The following PPARG variants were observed in gnomAD, a reference collection of about 807,000 sequenced individuals.
PPARG encodes peroxisome proliferator activated receptor gamma.
A neutral mutation model predicts 39.2 loss-of-function variants in PPARG; 17 were observed. The observed-to-expected ratio is 0.43, with a 90% CI of 0.30 to 0.65. PPARG has a LOEUF of 0.65. Among genes scored for constraint, PPARG ranks in the 30% least tolerant of loss-of-function variants. The pLI, the probability that PPARG is intolerant of heterozygous loss-of-function variation, is 0.13. For synonymous variants in PPARG, 223 were observed against 215.7 expected (o/e 1.03, Z -0.30); for missense variants, 406 against 585.9 (o/e 0.69, Z 3.17).
At chr3:12,319,110 T>G (rs1251001321) in intron 2 of PPARG, among the ~76,000 whole-genome samples, 3 of 152,230 alleles carry the variant, frequency 2.0e-5, no homozygotes, top group Admixed American at 6.5e-5. Context: ...TTTCTTTTGT[T>G]AACAAGCCAC....
At chr3:12,305,398 G>A (rs1437112143) in intron 1 of PPARG, among the ~76,000 whole-genome samples, 1 of 152,116 alleles carries the variant, frequency 6.6e-6, no homozygotes, top group Non-Finnish European at 1.5e-5. Context: ...TTAAAGTATT[G>A]ACTCACTAAT....
At chr3:12,356,377 C>T (rs76860457) in intron 2 of PPARG, among the ~76,000 whole-genome samples, 2,844 of 152,274 alleles carry the variant, frequency 0.019, 75 homozygotes, top group African/African-American at 0.062. Context: ...TTTGAGTACA[C>T]AGTGTTTTAA....
intron 1 of PPARG, 107 bp from the exon 2 acceptor site, chr3:12,312,273 G>C (rs889446832): frequency 1.3e-5 from 2 of 152,196 alleles, no homozygotes; most frequent in African/African-American, 4.8e-5. Flanking sequence ...AATAGAGAAG[G>C]TAAATTTATT....
chr3:12,360,231 C>T (rs1039517921), intron 2 of PPARG, among the ~76,000 whole-genome samples: 2 of 152,048 alleles, frequency 1.3e-5, no homozygotes, highest in Non-Finnish European at 2.9e-5. Context: ...AGACTGGTTT[C>T]GAACTCTGGC....
At chr3:12,330,301 T>TAAAAAAAAA (rs1302998459) in intron 2 of PPARG, among the ~76,000 whole-genome samples, 3 of 114,518 alleles carry the variant, frequency 2.6e-5, no homozygotes, top group African/African-American at 9.7e-5. Context: ...ACACCTTTTT[T>TAAAAAAAAA]TAAAAAAAAA....
chr3:12,317,542 G>A (rs1487982267), intron 2 of PPARG, among the ~76,000 whole-genome samples: 1 of 152,044 alleles, frequency 6.6e-6, no homozygotes, highest in African/African-American at 2.4e-5. Flanking sequence ...TAATCTTAGT[G>A]ATAGCACGTA....
chr3:12,341,540 G>T (rs7636145), intron 2 of PPARG, among the ~76,000 whole-genome samples: 19,857 of 152,174 alleles, frequency 0.13, 4,292 homozygotes, highest in African/African-American at 0.45. Flanking sequence ...GGGTACAGTG[G>T]CTCATGCCTG....
At chr3:12,390,636 C>CTTTTTTTTTT (rs1382187854) in intron 4 of PPARG, among the ~76,000 whole-genome samples, 1 of 69,186 alleles carries the variant, frequency 1.4e-5, no homozygotes, top group Non-Finnish European at 2.6e-5. Context: ...GTATTTTCTT[C>CTTTTTTTTTT]CTTTTTTTTT....
intron 6 of PPARG, among the ~76,000 whole-genome samples, chr3:12,408,783 A>G (rs1039136813): frequency 1.8e-4 from 28 of 151,880 alleles, no homozygotes; most frequent in African/African-American, 5.8e-4. Context: ...CATACCTGCA[A>G]TCCTTATTAG....
At chr3:12,356,521 A>T (rs1156287836) in intron 2 of PPARG, among the ~76,000 whole-genome samples, 1 of 152,212 alleles carries the variant, frequency 6.6e-6, no homozygotes, top group Non-Finnish European at 1.5e-5. Flanking sequence ...CAAGGGAATT[A>T]TTCCTCATCA....
chr3:12,361,328 C>T (rs545584593), intron 2 of PPARG, among the ~76,000 whole-genome samples: 8 of 152,126 alleles, frequency 5.3e-5, no homozygotes, highest in East Asian at 1.9e-4. Flanking sequence ...TGTGCTTTTT[C>T]GTTTACTTAA....
intron 6 of PPARG, among the ~76,000 whole-genome samples, chr3:12,416,068 A>AT (rs1261205892): frequency 1.3e-5 from 2 of 152,228 alleles, no homozygotes; most frequent in African/African-American, 4.8e-5. Flanking sequence ...TAAACAGTAG[A>AT]TTTTGTATCA....
chr3:12,399,448 G>C (rs373372535), intron 5 of PPARG: 1 of 455,180 alleles, frequency 2.2e-6, no homozygotes, highest in East Asian at 7.0e-5. Context: ...TGAGCCAAGC[G>C]TGGTGGTGCA....
At chr3:12,298,298 C>CA (rs58459399) in intron 1 of PPARG, among the ~76,000 whole-genome samples, 832 of 41,342 alleles carry the variant, frequency 0.02, 197 homozygotes, top group African/African-American at 0.12. Context: ...GACTCTGTCT[C>CA]AAAAAAAAAA....
intron 1 of PPARG, among the ~76,000 whole-genome samples, chr3:12,305,176 T>C (rs1020078544): frequency 3.3e-5 from 5 of 152,196 alleles, no homozygotes; most frequent in Admixed American, 1.3e-4. Context: ...TCTGAATTTC[T>C]GCTTCCTTTC....
chr3:12,360,466 T>A (rs2048808281), intron 2 of PPARG, among the ~76,000 whole-genome samples: 1 of 151,926 alleles, frequency 6.6e-6, no homozygotes, highest in Non-Finnish European at 1.5e-5. Flanking sequence ...AGGACCCATA[T>A]GGAACATTCT....
At chr3:12,368,995 A>G (rs2049116585) in intron 2 of PPARG, among the ~76,000 whole-genome samples, 1 of 152,190 alleles carries the variant, frequency 6.6e-6, no homozygotes, top group Non-Finnish European at 1.5e-5. Flanking sequence ...GTTAGGAGAA[A>G]TCATGGAAAG....
In PPARG at chr3:12,337,701, C is replaced by T. The variant is rs1328029819; in HGVS notation, c.-9+25248C>T. The stretch of plus-strand genomic sequence containing the variant: ...TTTACCATTTGCAGTTGCTCCCACC[C>T]CTGCCCCCATTCATGGGTTCCACAT... On this transcript the variant is annotated intron_variant, in intron 2 of 7. Coordinates refer to ENST00000651735, the MANE Select transcript of PPARG (RefSeq NM_138711.6). Among the ~76,000 whole-genome samples, 7 of 152,290 alleles carry T rather than the reference C, an allele frequency of 4.6e-5. No individual in the cohort carries two copies. The East Asian group carries it at 1.3e-3, about 29-fold the overall frequency.
chr3:12,348,975 G>A (rs551780991), intron 2 of PPARG, among the ~76,000 whole-genome samples: 8 of 152,292 alleles, frequency 5.3e-5, no homozygotes, highest in Admixed American at 1.3e-4. Context: ...GGATAGTCAC[G>A]TGCATGTCTT....
Sources: gnomAD v4.1 joint callset for allele counts (sites outside exome capture counted in the v4.1 genomes callset) on GRCh38, gnomAD v4.1.1 for gene constraint, MANE v1.5 for transcripts, NCBI Gene and HGNC (gene_info 2026-07-23, HGNC 2026-07-21) for gene names.